IL1RAPL1: variants seen among roughly 807,000 people sequenced by gnomAD.
IL1RAPL1 encodes interleukin-1 receptor accessory protein-like 1.
In IL1RAPL1, 3 loss-of-function variants were observed where a neutral mutation model predicts 48.4. That is an observed-to-expected ratio of 0.06 (90% CI 0.03 to 0.16). IL1RAPL1 has a LOEUF of 0.16. IL1RAPL1 is among the 10% of genes least tolerant of loss of function. IL1RAPL1 has a pLI of 1.00. For missense variants in IL1RAPL1, 349 were observed against 530.6 expected (o/e 0.66, Z 3.36); for synonymous variants, 185 against 187.7 (o/e 0.99, Z 0.12).
At chrX:29,574,612 C>T (rs778156608) in intron 5 of IL1RAPL1, among the ~76,000 whole-genome samples, 3 of 111,332 alleles carry the variant, frequency 2.7e-5, no homozygotes, top group Non-Finnish European at 5.7e-5. Context: ...GCATTCGGCT[C>T]CTCTTTACTT....
intron 2 of IL1RAPL1, among the ~76,000 whole-genome samples, chrX:29,147,798 T>C (rs972817840): frequency 8.9e-6 from 1 of 112,213 alleles, no homozygotes; most frequent in Admixed American, 9.5e-5. Context: ...AAAATAGATA[T>C]TAAATATTAC....
chrX:29,665,587 AGCAAAATTGGTCACCCT>A lies in IL1RAPL1; in HGVS notation c.704-2842_704-2826del, dbSNP rs756652580. Among the ~76,000 whole-genome samples, 477 of 112,409 alleles carry A rather than the reference AGCAAAATTGGTCACCCT, an allele frequency of 4.2e-3. 1 individual carries two copies. Among genetic ancestry groups the A allele is most frequent in the African/African-American group, 0.015 (461 of 30,970 alleles). ...TATTCTTCCTTTGTGACTTTGTGAC[AGCAAAATTGGTCACCCT>A]CAAGTGACTGTAGAACTGAGCTACA... On this transcript the variant is annotated intron_variant, in intron 5 of 10. Transcript: ENST00000378993.
At chrX:28,596,681 A>G (rs1316205429) in intron 1 of IL1RAPL1, among the ~76,000 whole-genome samples, 2 of 112,240 alleles carry the variant, frequency 1.8e-5, no homozygotes, top group African/African-American at 6.5e-5. Context: ...ATCCTCCTGT[A>G]TAAATTATCT....
At chrX:28,717,823 C>A (rs1398590694) in intron 1 of IL1RAPL1, among the ~76,000 whole-genome samples, 2 of 110,473 alleles carry the variant, frequency 1.8e-5, no homozygotes, top group Admixed American at 1.9e-4. Flanking sequence ...TGGTAATATT[C>A]TGGAATCACT....
At chrX:29,231,737 A>T (rs1443438214) in intron 2 of IL1RAPL1, among the ~76,000 whole-genome samples, 1 of 111,845 alleles carries the variant, frequency 8.9e-6, no homozygotes, top group Non-Finnish European at 1.9e-5. Flanking sequence ...ATTGTTAGTC[A>T]GTAGGTGACT....
intron 5 of IL1RAPL1, among the ~76,000 whole-genome samples, chrX:29,498,805 A>G (rs1179200505): frequency 8.9e-6 from 1 of 111,936 alleles, no homozygotes; most frequent in Non-Finnish European, 1.9e-5. Flanking sequence ...GCCATCTTAT[A>G]AGTTTCACTC....
At chrX:28,768,434 G>A (rs1346744245) in intron 1 of IL1RAPL1, among the ~76,000 whole-genome samples, 1 of 109,919 alleles carries the variant, frequency 9.1e-6, no homozygotes, top group Non-Finnish European at 1.9e-5. Context: ...AAAGAACTAT[G>A]TGGAGGAAAT....
chrX:29,636,193 G>A (rs1924960507), intron 5 of IL1RAPL1, among the ~76,000 whole-genome samples: 2 of 111,764 alleles, frequency 1.8e-5, no homozygotes, highest in African/African-American at 3.2e-5. Context: ...TAAGTCAACA[G>A]GAAAGATATC....
chrX:28,982,009 A>G (rs1925355132), intron 2 of IL1RAPL1, among the ~76,000 whole-genome samples: 1 of 111,825 alleles, frequency 8.9e-6, no homozygotes, highest in Non-Finnish European at 1.9e-5. Flanking sequence ...CTTAAAATAT[A>G]CCAGTACCTT....
chrX:29,766,342 A>AAATATATATATATATAT (rs1200679211), intron 6 of IL1RAPL1, among the ~76,000 whole-genome samples: 2 of 47,507 alleles, frequency 4.2e-5, no homozygotes, highest in African/African-American at 1.8e-4. Context: ...AAAAAAAAAA[A>AAATATATATATATATAT]ATATATATAT....
chrX:29,001,667 A>C (rs183699652), intron 2 of IL1RAPL1, among the ~76,000 whole-genome samples: 10 of 112,098 alleles, frequency 8.9e-5, no homozygotes, highest in African/African-American at 3.2e-4. Flanking sequence ...TATTTTTTAA[A>C]GATTTGACCT....
intron 1 of IL1RAPL1, among the ~76,000 whole-genome samples, chrX:28,784,527 G>C (rs1936455399): frequency 9.0e-6 from 1 of 111,291 alleles, no homozygotes; most frequent in African/African-American, 3.3e-5. Flanking sequence ...CTTTGAAGTA[G>C]GTATTTGCTA....
intron 6 of IL1RAPL1, among the ~76,000 whole-genome samples, chrX:29,869,049 A>T (rs955731369): frequency 7.1e-5 from 8 of 112,261 alleles, no homozygotes; most frequent in African/African-American, 1.6e-4. Context: ...CAGGAAAGGG[A>T]AGCTACTGAA....
intron 6 of IL1RAPL1, among the ~76,000 whole-genome samples, chrX:29,708,692 A>G (rs924090559): frequency 8.9e-6 from 1 of 112,393 alleles, no homozygotes; most frequent in Non-Finnish European, 1.9e-5. Flanking sequence ...GAGTGCAGAT[A>G]GCTCTTCAAC....
Position 28,853,207 on chromosome X carries a change from A to G in IL1RAPL1, c.82+63782A>G, listed in dbSNP as rs12840085. On this transcript the variant is annotated intron_variant, in intron 2 of 10. Transcript: ENST00000378993. ...GACTGTCTACAGCAACTTCAATGCA[A>G]TTGCATAAAATAAATTATAAATATA... is the stretch of plus-strand genomic sequence containing the variant. 0.11 allele frequency among the ~76,000 whole-genome samples: 12,368 copies of G among 111,449 alleles called. 553 individuals are homozygous for G. The highest frequency in any genetic ancestry group is 0.27 in the Middle Eastern group (58 of 215).
chrX:29,557,778 CTA>C (rs1228315643), intron 5 of IL1RAPL1, among the ~76,000 whole-genome samples: 1 of 110,178 alleles, frequency 9.1e-6, no homozygotes, highest in African/African-American at 3.3e-5. Context: ...GTTTGTTTTT[CTA>C]TGTTTGGCTT....
chrX:29,529,642 ATTAGT>A (rs1182528267), intron 5 of IL1RAPL1, among the ~76,000 whole-genome samples: 20 of 40,586 alleles, frequency 4.9e-4, no homozygotes, highest in Non-Finnish European at 9.1e-4. Flanking sequence ...AAAATATTCT[ATTAGT>A]GTTATTAGTG....
chrX:28,736,867 T>C (rs1470004805), intron 1 of IL1RAPL1, among the ~76,000 whole-genome samples: 1 of 112,059 alleles, frequency 8.9e-6, no homozygotes, highest in Non-Finnish European at 1.9e-5. Context: ...GTTTATTGTC[T>C]TGTGTTATAT....
intron 1 of IL1RAPL1, among the ~76,000 whole-genome samples, chrX:28,644,470 A>C (rs994670378): frequency 2.7e-5 from 3 of 111,508 alleles, no homozygotes; most frequent in African/African-American, 6.5e-5. Context: ...AGTGGATACT[A>C]CATAAGGGCC....
Sources: gnomAD v4.1 joint callset for allele counts (sites outside exome capture counted in the v4.1 genomes callset) on GRCh38, gnomAD v4.1.1 for gene constraint, MANE v1.5 for transcripts, NCBI Gene and HGNC (gene_info 2026-07-23, HGNC 2026-07-21) for gene names.